Variants in ITGAM observed in about 807,000 individuals in gnomAD.
ITGAM encodes the protein integrin subunit alpha M, also known as integrin alpha-M.
In ITGAM, 79 loss-of-function variants were observed where a neutral mutation model predicts 137.5. The ratio of observed to expected loss-of-function variants is 0.57; its 90% CI spans 0.48 to 0.69. The LOEUF is 0.69. Ranked by LOEUF, ITGAM falls within the 30% of genes least tolerant of loss-of-function variation. ITGAM has a pLI of 0.00. For missense variants in ITGAM, 1,343 were observed against 1,483.5 expected (o/e 0.91, Z 1.56); for synonymous variants, 583 against 592.3 (o/e 0.98, Z 0.23).
intron 14 of ITGAM, among the ~76,000 whole-genome samples, chr16:31,298,803 C>G (rs530595193): frequency 2.5e-4 from 38 of 151,806 alleles, no homozygotes; most frequent in African/African-American, 9.0e-4. Context: ...AATTTTTCAA[C>G]AAGGGGTCCT....
chr16:31,332,474 C>T lies in ITGAM; in HGVS notation c.*767C>T, dbSNP rs1478231046. 1.3e-5 allele frequency: 2 copies of T among 152,250 alleles called. No homozygotes were observed. The highest frequency in any genetic ancestry group is 2.9e-5 in the Non-Finnish European group (2 of 68,056). 9.4% of individuals were successfully genotyped at this position (152,250 alleles called of 1,614,324 possible). Reference sequence around the variant, plus strand: ...TGTCTATGGTACAAAAATCACAAGGCATTCAAGTGTACAGTGAAAAGTCTC... The same window carrying T: ...TGTCTATGGTACAAAAATCACAAGGTATTCAAGTGTACAGTGAAAAGTCTC... On this transcript the variant is annotated 3_prime_UTR_variant, in exon 30 of 30. Coordinates refer to ENST00000544665, the MANE Select transcript of ITGAM (RefSeq NM_000632.4).
rs564790617 is a variant in ITGAM at position 31,330,129 on chromosome 16, G to A, written c.3025G>A (p.Asp1009Asn). 2.5e-6 allele frequency: 4 copies of A among 1,613,722 alleles called. No individual in the cohort carries two copies. The highest frequency in any genetic ancestry group is 1.6e-4 in the Middle Eastern group (1 of 6,062). ...CAAGGAGCGCTTGCCCTCTCACTCC[G>A]ACTTTCTGGCTGAGCTTCGGAAGGC... ...HTKERLPSHS[D>N]FLAELRKAPV... is the part of the protein sequence containing the mutation. The change falls in exon 26 of 30, where the codon GAC becomes AAC. Residue 1009 changes from aspartate (D) to asparagine (N), a missense_variant. Physicochemically the swap from Asp to Asn is conservative, Grantham distance 23 (BLOSUM62 1). Coordinates refer to ENST00000544665, the MANE Select transcript of ITGAM (RefSeq NM_000632.4).
At position 31,321,297 on chromosome 16, in the gene ITGAM, T is replaced by C. The variant is rs1567277916; in HGVS notation, c.1764T>C (p.Ser588=). 6.2e-7 allele frequency: 1 copy of C among 1,613,884 alleles called. No homozygotes were observed. Among genetic ancestry groups the C allele is most frequent in the Non-Finnish European group, 8.5e-7 (1 of 1,179,844 alleles). The change falls in exon 15 of 30, where the codon AGT becomes AGC. Residue 588 remains serine (S), a synonymous_variant. Coordinates refer to ENST00000544665, the MANE Select transcript of ITGAM (RefSeq NM_000632.4). ...PRLQYFGQSL[S]GGQDLTMDGL... ...TCCAGTATTTTGGTCAGTCACTGAGTGGGGGCCAGGACCTCACAATGGATG... is the reference window on the plus strand; with the variant it reads ...TCCAGTATTTTGGTCAGTCACTGAGCGGGGGCCAGGACCTCACAATGGATG...
chr16:31,267,229 C>T (rs1369176648), intron 5 of ITGAM, among the ~76,000 whole-genome samples: 2 of 152,064 alleles, frequency 1.3e-5, no homozygotes, highest in East Asian at 1.9e-4. Flanking sequence ...CTGCTTTGTT[C>T]GATGGCTATG....
chr16:31,297,686 G>T, intron 13 of ITGAM, 32 bp downstream of exon 13: 2 of 1,606,278 alleles, frequency 1.2e-6, no homozygotes, highest in Admixed American at 1.7e-5. Context: ...GCTGGGTGGG[G>T]CCCGGTGTGG....
At chr16:31,265,083 G>A (rs1004008925) in intron 2 of ITGAM, among the ~76,000 whole-genome samples, 1 of 152,002 alleles carries the variant, frequency 6.6e-6, no homozygotes, top group Non-Finnish European at 1.5e-5. Context: ...TGCCCAGGCT[G>A]ATCTTGAACT....
At chr16:31,328,900 ATGTG>A (rs367876132) in intron 23 of ITGAM, 14 of 431,166 alleles carry the variant, frequency 3.2e-5, no homozygotes, top group African/African-American at 1.4e-4. Context: ...GTATTCGTGC[ATGTG>A]TGTGTGTCTG....
chr16:31,278,143 CAG>C, intron 12 of ITGAM, 34 bp downstream of exon 12: 1 of 1,581,596 alleles, frequency 6.3e-7, no homozygotes, highest in South Asian at 1.2e-5. Context: ...AATGTGCAAA[CAG>C]AGGCGCCCTG....
chr16:31,329,466 G>A (rs1356967336), intron 24 of ITGAM, among the ~76,000 whole-genome samples, 163 bp downstream of exon 24: 2 of 152,168 alleles, frequency 1.3e-5, no homozygotes, highest in Non-Finnish European at 2.9e-5. Context: ...ACGCACGTAT[G>A]TATGTGACAT....
At chr16:31,266,862 A>ATTTT (rs79448805) in intron 5 of ITGAM, among the ~76,000 whole-genome samples, 3 of 145,114 alleles carry the variant, frequency 2.1e-5, no homozygotes, top group Non-Finnish European at 4.5e-5. Context: ...GACTGTATGG[A>ATTTT]TTTTTTTTTT....
rs1488599334 is a variant in ITGAM at position 31,297,567 on chromosome 16, C to T, written c.1410C>T (p.Gly470=). The part of the protein sequence containing the change: ...SLCSVDVDSN[G]STDLVLIGAP... Reference sequence around the variant, plus strand: ...GCTCCGTGGACGTGGACAGCAACGGCAGCACCGACCTGGTCCTCATCGGGG... The same window carrying T: ...GCTCCGTGGACGTGGACAGCAACGGTAGCACCGACCTGGTCCTCATCGGGG... Residue 470 remains glycine (G), a synonymous_variant, in exon 13 of 30, where the codon GGC becomes GGT. Transcript: ENST00000544665. 4 of 1,612,132 alleles carry T rather than the reference C, an allele frequency of 2.5e-6. No homozygotes were observed. In the African/African-American group the frequency reaches 5.3e-5, roughly 22 times the overall value.
chr16:31,301,315 G>C (rs1210011079), intron 14 of ITGAM, among the ~76,000 whole-genome samples: 1 of 152,146 alleles, frequency 6.6e-6, no homozygotes, highest in Non-Finnish European at 1.5e-5. Flanking sequence ...ATTTGTCTAA[G>C]AGAGTATCCT....
intron 5 of ITGAM, among the ~76,000 whole-genome samples, chr16:31,267,300 AT>A (rs909885730): frequency 6.6e-6 from 1 of 151,096 alleles, no homozygotes; most frequent in African/African-American, 2.4e-5. Flanking sequence ...TCTCCCTTGC[AT>A]TTTTTTTCTT....
intron 14 of ITGAM, among the ~76,000 whole-genome samples, chr16:31,310,197 A>T (rs2080310850): frequency 6.6e-6 from 1 of 152,044 alleles, no homozygotes. Flanking sequence ...CTCGAGGAGT[A>T]TCTTTGTGGC....
At chr16:31,307,569 G>A (rs1387498620) in intron 14 of ITGAM, among the ~76,000 whole-genome samples, 1 of 152,164 alleles carries the variant, frequency 6.6e-6, no homozygotes, top group East Asian at 1.9e-4. Flanking sequence ...GGGTTTTCTA[G>A]ATATACAGTC....
chr16:31,329,590 G>A (rs2080553726), intron 24 of ITGAM, among the ~76,000 whole-genome samples: 2 of 152,048 alleles, frequency 1.3e-5, no homozygotes, highest in Non-Finnish European at 2.9e-5. Flanking sequence ...GAACAAGCTC[G>A]AGGTCTCCCA....
chr16:31,330,751 G>C, intron 28 of ITGAM, 146 bp downstream of exon 28: 1 of 635,574 alleles, frequency 1.6e-6, no homozygotes, highest in Non-Finnish European at 2.7e-6. Context: ...GACGTAAGGA[G>C]AGAGACAGAC....
chr16:31,320,645 T>A (rs2144478697), intron 14 of ITGAM, among the ~76,000 whole-genome samples: 1 of 152,304 alleles, frequency 6.6e-6, no homozygotes, highest in Middle Eastern at 3.4e-3. Context: ...TACTTTTTGA[T>A]TTTTGTTTTA....
At chr16:31,300,552 G>A (rs1597012052) in intron 14 of ITGAM, among the ~76,000 whole-genome samples, 1 of 152,208 alleles carries the variant, frequency 6.6e-6, no homozygotes, top group African/African-American at 2.4e-5. Flanking sequence ...ATCTTTTCAT[G>A]TATGTATTGG....
Sources: allele counts gnomAD v4.1 joint callset (sites outside exome capture counted in the v4.1 genomes callset), GRCh38; gene constraint gnomAD v4.1.1; transcripts MANE v1.5; gene names NCBI Gene and HGNC (gene_info 2026-07-23, HGNC 2026-07-21).